The following FMNL2 variants were observed in gnomAD, a reference collection of about 807,000 sequenced individuals.
The protein encoded by FMNL2 is formin like 2.
A neutral mutation model predicts 130.2 loss-of-function variants in FMNL2; 51 were observed. That is an observed-to-expected ratio of 0.39 (90% CI 0.31 to 0.49). FMNL2 has a LOEUF of 0.49. Ranked by LOEUF, FMNL2 falls within the 20% of genes least tolerant of loss-of-function variation. FMNL2 has a pLI of 0.85. For missense variants in FMNL2, 977 were observed against 1,316.2 expected, an observed-to-expected ratio of 0.74 and a Z score of 3.99; for synonymous variants, 465 against 467.1, an observed-to-expected ratio of 1.00 and a Z score of 0.06.
intron 9 of FMNL2, among the ~76,000 whole-genome samples, chr2:152,602,635 A>T (rs1271784696): frequency 6.6e-6 from 1 of 152,232 alleles, no homozygotes; most frequent in Middle Eastern, 3.2e-3. Context: ...TTCAGCTGCA[A>T]GAATATAGCT....
At chr2:152,358,244 C>T (rs2105804693) in intron 1 of FMNL2, among the ~76,000 whole-genome samples, 1 of 152,184 alleles carries the variant, frequency 6.6e-6, no homozygotes, top group East Asian at 1.9e-4. Flanking sequence ...AGACTGAGGC[C>T]TGCACTATCA....
chr2:152,503,228 A>G (rs907755950), intron 1 of FMNL2, among the ~76,000 whole-genome samples: 2 of 152,224 alleles, frequency 1.3e-5, no homozygotes, highest in Non-Finnish European at 2.9e-5. Flanking sequence ...ATGGACAAAT[A>G]GGAATTTATA....
intron 1 of FMNL2, among the ~76,000 whole-genome samples, chr2:152,429,588 G>A (rs1687388042): frequency 6.6e-6 from 1 of 151,472 alleles, no homozygotes; most frequent in East Asian, 1.9e-4. Flanking sequence ...AGATCCCTTA[G>A]ATAGCCCACT....
At chr2:152,396,506 TCTC>T (rs1242395896) in intron 1 of FMNL2, among the ~76,000 whole-genome samples, 3 of 152,312 alleles carry the variant, frequency 2.0e-5, no homozygotes, top group South Asian at 2.1e-4. Flanking sequence ...CATTTCTACT[TCTC>T]CTGCTCATTT....
At position 152,397,085 on chromosome 2, in the gene FMNL2, A is replaced by G. The variant is rs148432336; in HGVS notation, c.117+61365A>G. 4.1e-3 allele frequency among the ~76,000 whole-genome samples: 622 copies of G among 152,346 alleles called. 4 individuals are homozygous for G. The highest frequency in any genetic ancestry group is 0.01 in the Middle Eastern group (3 of 294). ...ATTATTGTAAAATTCGTTGATGGAAAAAGATCTATTAAGGTTACGTGTATT... is the reference window on the plus strand; with the variant it reads ...ATTATTGTAAAATTCGTTGATGGAAGAAGATCTATTAAGGTTACGTGTATT... On this transcript the variant is annotated intron_variant, in intron 1 of 25. Coordinates refer to ENST00000288670, the MANE Select transcript of FMNL2 (RefSeq NM_052905.4).
At chr2:152,356,039 A>G (rs192778322) in intron 1 of FMNL2, among the ~76,000 whole-genome samples, 24 of 152,352 alleles carry the variant, frequency 1.6e-4, no homozygotes, top group African/African-American at 4.1e-4. Context: ...TTCTGAATTT[A>G]TAGAAATGGC....
chr2:152,407,198 G>GTTTTTTT (rs57572263), intron 1 of FMNL2, among the ~76,000 whole-genome samples: 1 of 148,912 alleles, frequency 6.7e-6, no homozygotes. Context: ...TTCTGTTTTT[G>GTTTTTTT]TTTTTTTTTT....
chr2:152,632,206 C>G (rs1682221107), intron 21 of FMNL2, 69 bp downstream of exon 21: 3 of 1,550,852 alleles, frequency 1.9e-6, no homozygotes, highest in Admixed American at 3.8e-5. Context: ...GAGCCATTCC[C>G]TGCTTAAACA....
chr2:152,582,177 T>C (rs10497110), intron 9 of FMNL2, among the ~76,000 whole-genome samples: 7,025 of 152,284 alleles, frequency 0.046, 550 homozygotes, highest in African/African-American at 0.16. Context: ...CTGAACTTCC[T>C]TGAAATGTGT....
At chr2:152,643,114 A>G (rs1260294294) in intron 25 of FMNL2, among the ~76,000 whole-genome samples, 2 of 152,124 alleles carry the variant, frequency 1.3e-5, no homozygotes, top group African/African-American at 2.4e-5. Flanking sequence ...ATGAATGTAC[A>G]TTTTCTATTT....
intron 10 of FMNL2, among the ~76,000 whole-genome samples, chr2:152,609,725 T>C (rs1698578701): frequency 6.6e-6 from 1 of 152,172 alleles, no homozygotes; most frequent in Non-Finnish European, 1.5e-5. Context: ...ATCCAATGTA[T>C]ACCATATCTT....
At chr2:152,374,081 G>A (rs916279373) in intron 1 of FMNL2, among the ~76,000 whole-genome samples, 5 of 152,048 alleles carry the variant, frequency 3.3e-5, no homozygotes, top group Non-Finnish European at 5.9e-5. Flanking sequence ...GGTACTTTTC[G>A]CCTTCAGACT....
At chr2:152,390,235 T>G in intron 1 of FMNL2, 1 of 1,455,000 alleles carries the variant, frequency 6.9e-7, no homozygotes, top group Non-Finnish European at 9.6e-7. Flanking sequence ...AAGGACATGG[T>G]GGTGGACATC....
At chr2:152,504,754 T>A (rs1276995580) in intron 1 of FMNL2, among the ~76,000 whole-genome samples, 1 of 152,116 alleles carries the variant, frequency 6.6e-6, no homozygotes, top group African/African-American at 2.4e-5. Context: ...CTCAGAGGCT[T>A]GTAAGAGATG....
chr2:152,474,733 C>T (rs1369694779), intron 1 of FMNL2, among the ~76,000 whole-genome samples: 3 of 151,992 alleles, frequency 2.0e-5, no homozygotes, highest in African/African-American at 4.8e-5. Context: ...ACTTATTTCA[C>T]GTACCTGTTT....
chr2:152,624,710 CA>C (rs1457694736), intron 15 of FMNL2, among the ~76,000 whole-genome samples: 6 of 152,160 alleles, frequency 3.9e-5, no homozygotes, highest in African/African-American at 1.4e-4. Context: ...TGGTGGCACA[CA>C]GCTGTGGTTC....
chr2:152,356,790 C>G (rs1446355372), intron 1 of FMNL2, among the ~76,000 whole-genome samples: 2 of 150,044 alleles, frequency 1.3e-5, no homozygotes, highest in African/African-American at 2.5e-5. Flanking sequence ...AAGCATAATG[C>G]TGAAGTGCTG....
chr2:152,510,630 G>A (rs866675433), intron 1 of FMNL2, among the ~76,000 whole-genome samples: 1 of 152,336 alleles, frequency 6.6e-6, no homozygotes, highest in South Asian at 2.1e-4. Flanking sequence ...ATACCAGGAT[G>A]TCGTACACAC....
At chr2:152,479,711 G>A (rs1690369261) in intron 1 of FMNL2, among the ~76,000 whole-genome samples, 2 of 133,166 alleles carry the variant, frequency 1.5e-5, no homozygotes, top group Admixed American at 8.9e-5. Flanking sequence ...CATGGATGTT[G>A]TGGGTTGTTT....
Sources: allele counts gnomAD v4.1 joint callset (sites outside exome capture counted in the v4.1 genomes callset), GRCh38; gene constraint gnomAD v4.1.1; transcripts MANE v1.5; gene names NCBI Gene and HGNC (gene_info 2026-07-23, HGNC 2026-07-21).